Variants in CCDC171 observed in about 807,000 individuals in gnomAD.
CCDC171 encodes the protein coiled-coil domain-containing protein 171.
A neutral mutation model predicts 168.2 loss-of-function variants in CCDC171; 177 were observed. The ratio of observed to expected loss-of-function variants is 1.05; its 90% confidence interval spans 0.93 to 1.19. The LOEUF is 1.19. Among genes scored for constraint, CCDC171 ranks in the 50% most tolerant of loss-of-function variants. The pLI is 0.00. For missense variants in CCDC171, 1,991 were observed against 1,539.0 expected, an observed-to-expected ratio of 1.29 and a Z score of -4.91; for synonymous variants, 687 against 540.8, an observed-to-expected ratio of 1.27 and a Z score of -3.75.
At chr9:15,810,666 T>G (rs929389566) in intron 21 of CCDC171, among the ~76,000 whole-genome samples, 6 of 152,096 alleles carry the variant, frequency 3.9e-5, no homozygotes, top group Admixed American at 2.0e-4. Flanking sequence ...CCTCCCTGCC[T>G]GGGGCCGGCA....
intron 6 of CCDC171, among the ~76,000 whole-genome samples, chr9:16,024,885 T>C (rs1833244361): frequency 6.6e-6 from 1 of 152,242 alleles, no homozygotes; most frequent in Non-Finnish European, 1.5e-5. Flanking sequence ...GAGAACCTGC[T>C]ATTTGGATAA....
chr9:15,803,069 C>T (rs1016986877), intron 21 of CCDC171, among the ~76,000 whole-genome samples: 1 of 152,150 alleles, frequency 6.6e-6, no homozygotes, highest in South Asian at 2.1e-4. Context: ...TGAGAAGTGT[C>T]TGTTCATGTC....
intron 25 of CCDC171, among the ~76,000 whole-genome samples, chr9:15,924,137 A>G (rs562050183): frequency 4.6e-5 from 7 of 151,664 alleles, no homozygotes; most frequent in Non-Finnish European, 8.9e-5. Context: ...AAGAAGCTCC[A>G]AACAGATTTC....
At chr9:15,626,274 C>A (rs1437302428) in intron 7 of CCDC171, among the ~76,000 whole-genome samples, 2 of 152,168 alleles carry the variant, frequency 1.3e-5, no homozygotes, top group African/African-American at 4.8e-5. Flanking sequence ...GACAATTTGA[C>A]TTCCTCTTTT....
intron 21 of CCDC171, among the ~76,000 whole-genome samples, chr9:15,813,834 A>C (rs1438309266): frequency 1.3e-5 from 2 of 152,208 alleles, no homozygotes; most frequent in Admixed American, 6.5e-5. Context: ...AAGGAGGCCA[A>C]ATGCCTTATG....
intron 7 of CCDC171, among the ~76,000 whole-genome samples, chr9:15,628,507 G>C (rs1358056314): frequency 6.6e-6 from 1 of 152,198 alleles, no homozygotes; most frequent in Admixed American, 6.5e-5. Context: ...GGCTTGCTTA[G>C]GTAAACAAAG....
chr9:15,689,996 C>G (rs1462936744), intron 10 of CCDC171, among the ~76,000 whole-genome samples: 1 of 152,060 alleles, frequency 6.6e-6, no homozygotes, highest in African/African-American at 2.4e-5. Flanking sequence ...AACTGGCTAT[C>G]CACATCCAAA....
intron 24 of CCDC171, chr9:15,883,134 T>C: frequency 2.5e-6 from 1 of 396,230 alleles, no homozygotes; most frequent in Non-Finnish European, 5.1e-6. Flanking sequence ...GCTCAAGCAA[T>C]CTTCCTGCCT....
chr9:16,043,133 A>T (rs1833600032), intron 1 of CCDC171, among the ~76,000 whole-genome samples: 1 of 152,074 alleles, frequency 6.6e-6, no homozygotes, highest in Non-Finnish European at 1.5e-5. Context: ...GAAGCCAGAG[A>T]GGTTGGGGAA....
intron 6 of CCDC171, among the ~76,000 whole-genome samples, chr9:15,618,230 G>C (rs1371249446): frequency 1.3e-5 from 2 of 152,198 alleles, no homozygotes; most frequent in African/African-American, 4.8e-5. Flanking sequence ...CCAGTGAGGA[G>C]GAATCCAGAG....
rs144041803 is a variant in CCDC171 at position 15,711,349 on chromosome 9, A to G, written c.1319-10420A>G. Among the ~76,000 whole-genome samples, 195 of 152,244 alleles carry G rather than the reference A, an allele frequency of 1.3e-3. 1 individual carries two copies. The highest frequency in any genetic ancestry group is 0.01 in the Middle Eastern group (3 of 294). On this transcript the variant is annotated intron_variant, in intron 11 of 25. Transcript: ENST00000380701. ...CTTGTACACTTCTTTTTTGAGTTCT[A>G]TAAGTCTTTGACCTATATCAGTTTG... is the stretch of plus-strand genomic sequence containing the variant.
intron 7 of CCDC171, among the ~76,000 whole-genome samples, chr9:15,634,036 G>A (rs924725087): frequency 6.6e-6 from 1 of 151,566 alleles, no homozygotes; most frequent in Non-Finnish European, 1.5e-5. Flanking sequence ...GGGGTGGGGA[G>A]AGGGGGGCGG....
chr9:15,950,381 C>T (rs1343119715), intron 25 of CCDC171, among the ~76,000 whole-genome samples: 2 of 152,056 alleles, frequency 1.3e-5, no homozygotes, highest in African/African-American at 4.8e-5. Flanking sequence ...AGAGAAAGGT[C>T]GGGTTACCCA....
chr9:15,662,704 G>A (rs982386574), intron 8 of CCDC171, among the ~76,000 whole-genome samples: 1 of 151,822 alleles, frequency 6.6e-6, no homozygotes, highest in Non-Finnish European at 1.5e-5. Flanking sequence ...AGTTGGACAC[G>A]GTGGCTCACA....
chr9:15,967,583 G>A lies in CCDC171; in HGVS notation c.3754-4026G>A, dbSNP rs767992871. Reference sequence around the variant, plus strand: ...GGGTTTATAGTATATTCTGTCACACGTGGAATTATGGCAGACCTGTAGAAT... The same window carrying A: ...GGGTTTATAGTATATTCTGTCACACATGGAATTATGGCAGACCTGTAGAAT... On this transcript the variant is annotated intron_variant, in intron 25 of 25. Transcript: ENST00000380701. Among the ~76,000 whole-genome samples, 3 of 152,228 alleles carry A rather than the reference G, an allele frequency of 2.0e-5. No individual in the cohort carries two copies. In the South Asian group the frequency reaches 6.2e-4, roughly 32 times the overall value.
At chr9:15,954,736 A>G (rs544995557) in intron 25 of CCDC171, among the ~76,000 whole-genome samples, 1 of 150,998 alleles carries the variant, frequency 6.6e-6, no homozygotes, top group South Asian at 2.1e-4. Flanking sequence ...CAGTCATTTT[A>G]ATTTTCAGCT....
At chr9:16,055,934 G>A (rs55826830) in intron 1 of CCDC171, among the ~76,000 whole-genome samples, 22 of 152,262 alleles carry the variant, frequency 1.4e-4, no homozygotes, top group African/African-American at 3.9e-4. Context: ...AAATTCAAAC[G>A]TGTACCCTCT....
chr9:15,952,893 C>T (rs1358499955), intron 25 of CCDC171, among the ~76,000 whole-genome samples: 1 of 151,936 alleles, frequency 6.6e-6, no homozygotes, highest in African/African-American at 2.4e-5. Flanking sequence ...CAAATGTTTC[C>T]ACCTCCTTGG....
chr9:15,883,529 T>G (rs1818994032), intron 24 of CCDC171, among the ~76,000 whole-genome samples: 1 of 152,202 alleles, frequency 6.6e-6, no homozygotes, highest in Non-Finnish European at 1.5e-5. Context: ...TCTTACATCT[T>G]GCATCCTGGG....
Sources: allele counts gnomAD v4.1 joint callset (sites outside exome capture counted in the v4.1 genomes callset), GRCh38; gene constraint gnomAD v4.1.1; transcripts MANE v1.5; gene names NCBI Gene and HGNC (gene_info 2026-07-23, HGNC 2026-07-21).